Variants in COL25A1 observed in about 807,000 individuals in gnomAD.
COL25A1 encodes collagen type XXV alpha 1 chain.
A neutral mutation model predicts 128.4 loss-of-function variants in COL25A1; 103 were observed. That is an observed-to-expected ratio of 0.80 (90% CI 0.68 to 0.94). The LOEUF (loss-of-function observed/expected upper bound fraction) is 0.94. Among genes scored for constraint, COL25A1 ranks in the 40% least tolerant of loss-of-function variants. The pLI is 0.00. For synonymous variants in COL25A1, 279 were observed against 277.2 expected (o/e 1.01, Z -0.06); for missense variants, 745 against 840.0 (o/e 0.89, Z 1.40).
intron 20 of COL25A1, among the ~76,000 whole-genome samples, chr4:108,867,039 A>G (rs1482356135): frequency 3.9e-5 from 6 of 152,218 alleles, no homozygotes; most frequent in Admixed American, 3.3e-4. Context: ...CTATAAAATC[A>G]TGCTGGGTTC....
At chr4:109,100,275 A>G in intron 3 of COL25A1, among the ~76,000 whole-genome samples, 1 of 152,190 alleles carries the variant, frequency 6.6e-6, no homozygotes, top group Non-Finnish European at 1.5e-5. Context: ...GTAAATTATC[A>G]AAGGATGGTA....
chr4:109,227,174 C>A (rs1313970128), intron 3 of COL25A1, among the ~76,000 whole-genome samples: 1 of 151,972 alleles, frequency 6.6e-6, no homozygotes, highest in Non-Finnish European at 1.5e-5. Flanking sequence ...TTTGAGGAGG[C>A]TTCAATGTTT....
chr4:109,178,135 C>T (rs1001826083), intron 3 of COL25A1, among the ~76,000 whole-genome samples: 1 of 152,142 alleles, frequency 6.6e-6, no homozygotes, highest in Admixed American at 6.5e-5. Context: ...CCTTTTCTGG[C>T]AGTTTATGGC....
intron 8 of COL25A1, among the ~76,000 whole-genome samples, chr4:108,972,741 A>T (rs928587352): frequency 2.3e-4 from 35 of 152,192 alleles, no homozygotes; most frequent in African/African-American, 8.2e-4. Flanking sequence ...GGCCCCACTC[A>T]GTGTGAAAAC....
chr4:109,065,539 C>G (rs3113686), intron 3 of COL25A1, among the ~76,000 whole-genome samples: 1 of 133,502 alleles, frequency 7.5e-6, no homozygotes, highest in African/African-American at 2.9e-5. Flanking sequence ...AGCACGCGCG[C>G]GCGCGCGTGT....
At chr4:109,002,630 G>A (rs1389999422) in intron 6 of COL25A1, among the ~76,000 whole-genome samples, 2 of 152,086 alleles carry the variant, frequency 1.3e-5, no homozygotes, top group Non-Finnish European at 2.9e-5. Context: ...TACAACATGG[G>A]TGGTGAAAAA....
intron 6 of COL25A1, among the ~76,000 whole-genome samples, chr4:109,000,084 G>A (rs1755198243): frequency 6.6e-6 from 1 of 151,888 alleles, no homozygotes; most frequent in Non-Finnish European, 1.5e-5. Context: ...CCTGCACATT[G>A]TACACATGTG....
At chr4:108,973,713 A>G (rs1191810669) in intron 8 of COL25A1, among the ~76,000 whole-genome samples, 3 of 152,222 alleles carry the variant, frequency 2.0e-5, no homozygotes, top group African/African-American at 7.2e-5. Flanking sequence ...TTTGGGTAAT[A>G]AGGCACAGAT....
At chr4:109,211,298 A>AAAC in intron 3 of COL25A1, among the ~76,000 whole-genome samples, 1 of 46,262 alleles carries the variant, frequency 2.2e-5, no homozygotes, top group East Asian at 5.2e-4. Context: ...AACTATATAT[A>AAAC]TATATATATA....
At position 108,900,045 on chromosome 4, in the gene COL25A1, T is replaced by G. The variant is rs371656184; in HGVS notation, c.835-865A>C. Among the ~76,000 whole-genome samples the G allele has an allele frequency of 3.0e-4, 45 of 152,232 alleles. No homozygotes were observed. The South Asian group carries it at 9.3e-3, about 32-fold the overall frequency. On this transcript the variant is annotated intron_variant, in intron 14 of 37. Coordinates refer to ENST00000399132, the MANE Select transcript of COL25A1 (RefSeq NM_198721.4). ...GAAAAAAAATGAAATAAGGCAATTATTGTATTTTTTTAAATTTATAACCCA... is the reference window on the plus strand; with the variant it reads ...GAAAAAAAATGAAATAAGGCAATTAGTGTATTTTTTTAAATTTATAACCCA...
At position 108,940,615 on chromosome 4, in the gene COL25A1, G is replaced by T. The variant is rs1391913303; in HGVS notation, c.596C>A (p.Pro199His). The change falls in exon 10 of 38, where the codon CCC (proline) becomes CAC (histidine). Residue 199 changes from proline to histidine, a missense_variant. Around this residue, in one of 3 missense-constraint regions of COL25A1, gnomAD observed 319 missense variants for 324.9 expected, o/e 0.98. Transcript: ENST00000399132. ...CCCTCTTGGGCCTGGAGGGCCAGGGGGTCCTGGAGGCCCTGCCTGTCCTTG... is the reference window on the plus strand; with the variant it reads ...CCCTCTTGGGCCTGGAGGGCCAGGGTGTCCTGGAGGCCCTGCCTGTCCTTG... Reference protein sequence around the residue: ...GDQGQAGPPGPPGPPGPRGPP... With the variant: ...GDQGQAGPPGHPGPPGPRGPP... The T allele has an allele frequency of 1.9e-6, 3 of 1,607,316 alleles. No individual in the cohort carries two copies. Among genetic ancestry groups the T allele is most frequent in the African/African-American group, 1.3e-5 (1 of 74,868 alleles).
At chr4:109,069,968 A>ATTT (rs201884527) in intron 3 of COL25A1, among the ~76,000 whole-genome samples, 4 of 127,256 alleles carry the variant, frequency 3.1e-5, no homozygotes, top group Non-Finnish European at 5.4e-5. Context: ...AAGAGCAATA[A>ATTT]TTTTTTTTTT....
chr4:109,012,535 G>A (rs551414721), intron 5 of COL25A1, among the ~76,000 whole-genome samples: 12 of 152,302 alleles, frequency 7.9e-5, no homozygotes, highest in African/African-American at 2.6e-4. Context: ...CGAGTTCCAG[G>A]TGGGCGCGGG....
chr4:109,284,863 T>C (rs530870616), intron 3 of COL25A1, among the ~76,000 whole-genome samples: 26 of 144,484 alleles, frequency 1.8e-4, no homozygotes, highest in Non-Finnish European at 3.5e-4. Context: ...ACCTATACAA[T>C]AAAGAGTGAG....
intron 13 of COL25A1, among the ~76,000 whole-genome samples, chr4:108,914,745 C>G (rs1386350136): frequency 6.9e-6 from 1 of 144,284 alleles, no homozygotes; most frequent in Non-Finnish European, 1.5e-5. Flanking sequence ...TAACCTTGAA[C>G]TGGGCTTAAG....
At chr4:108,955,231 C>T (rs1174506703) in intron 8 of COL25A1, among the ~76,000 whole-genome samples, 2 of 151,602 alleles carry the variant, frequency 1.3e-5, no homozygotes, top group African/African-American at 4.9e-5. Flanking sequence ...TAAGAAGTTA[C>T]TATTTTATAG....
intron 32 of COL25A1, among the ~76,000 whole-genome samples, chr4:108,830,459 T>A (rs1274739793): frequency 6.6e-6 from 1 of 152,214 alleles, no homozygotes; most frequent in African/African-American, 2.4e-5. Flanking sequence ...TCTGACTTCT[T>A]TAAAATTTGA....
At chr4:109,173,053 T>C (rs575077747) in intron 3 of COL25A1, among the ~76,000 whole-genome samples, 3 of 152,292 alleles carry the variant, frequency 2.0e-5, no homozygotes, top group East Asian at 3.9e-4. Flanking sequence ...CTTCTTACAA[T>C]TGGACATTAT....
At chr4:109,177,866 G>T (rs889019155) in intron 3 of COL25A1, among the ~76,000 whole-genome samples, 2 of 152,210 alleles carry the variant, frequency 1.3e-5, no homozygotes, top group Non-Finnish European at 2.9e-5. Flanking sequence ...ACTGCAAACT[G>T]CCTGTTAGCA....
Sources: gnomAD v4.1 joint callset for allele counts (sites outside exome capture counted in the v4.1 genomes callset) on GRCh38, gnomAD v4.1.1 for gene constraint, gnomAD v4.1.1 regional missense constraint, MANE v1.5 for transcripts, NCBI Gene and HGNC (gene_info 2026-07-23, HGNC 2026-07-21) for gene names.